STYK1: variants seen among roughly 807,000 people sequenced by gnomAD.
The protein encoded by STYK1 is STY kinase 1.
Under a neutral mutation model 48.1 loss-of-function variants are expected in STYK1, and 46 were observed. The ratio of observed to expected loss-of-function variants is 0.96; its 90% CI spans 0.75 to 1.22. The LOEUF (loss-of-function observed/expected upper bound fraction) is 1.22, where lower values mean the gene tolerates loss of function less well. Ranked by LOEUF, STYK1 falls within the 50% of genes most tolerant of loss-of-function variation. The pLI, the probability that STYK1 is intolerant of heterozygous loss-of-function variation, is 0.00. For missense variants in STYK1, 527 were observed against 521.1 expected, an observed-to-expected ratio of 1.01 and a Z score of -0.11; for synonymous variants, 188 against 189.0, an observed-to-expected ratio of 0.99 and a Z score of 0.04.
intron 7 of STYK1, among the ~76,000 whole-genome samples, chr12:10,625,723 A>T (rs1947352290): frequency 6.6e-6 from 1 of 152,232 alleles, no homozygotes; most frequent in Non-Finnish European, 1.5e-5. Flanking sequence ...CAGGTATTAT[A>T]ATTCATAGGA....
chr12:10,637,308 C>CA (rs1947496628), intron 1 of STYK1, 112 bp from the exon 2 acceptor site: 1 of 151,256 alleles, frequency 6.6e-6, no homozygotes, highest in Non-Finnish European at 1.5e-5. Context: ...TAGGTAGAGG[C>CA]ATATGGAGTG....
chr12:10,635,924 G>A (rs1947481120), intron 2 of STYK1, among the ~76,000 whole-genome samples: 1 of 152,106 alleles, frequency 6.6e-6, no homozygotes, highest in African/African-American at 2.4e-5. Flanking sequence ...AGTCAACAAA[G>A]CCTACTTCTT....
Position 10,639,677 on chromosome 12 carries a change from G to C in STYK1, c.-194-2481C>G, listed in dbSNP as rs111640464. On this transcript the variant is annotated intron_variant, in intron 1 of 10. Coordinates refer to ENST00000075503, the MANE Select transcript of STYK1 (RefSeq NM_018423.3). Reference sequence around the variant, plus strand: ...TATCCACCTGACTTGGCCTCCCAAAGTACTGGGATTACAGGCGTGAGCCAC... The same window carrying C: ...TATCCACCTGACTTGGCCTCCCAAACTACTGGGATTACAGGCGTGAGCCAC... 4.9e-3 allele frequency among the ~76,000 whole-genome samples: 753 copies of C among 152,262 alleles called. 3 individuals carry two copies. The highest frequency in any genetic ancestry group is 0.017 in the African/African-American group (705 of 41,542).
At chr12:10,660,092 G>A (rs1476853116) in intron 1 of STYK1, among the ~76,000 whole-genome samples, 1 of 152,136 alleles carries the variant, frequency 6.6e-6, no homozygotes, top group Non-Finnish European at 1.5e-5. Flanking sequence ...TATCATCTTG[G>A]TTCTAACAGT....
intron 1 of STYK1, among the ~76,000 whole-genome samples, chr12:10,663,800 G>A (rs1429372966): frequency 6.6e-6 from 1 of 151,126 alleles, no homozygotes; most frequent in East Asian, 1.9e-4. Context: ...ATCAATTTGG[G>A]GCGTACCACT....
rs190764023 is a variant in STYK1 at position 10,638,271 on chromosome 12, A to G, written c.-194-1075T>C. On this transcript the variant is annotated intron_variant, in intron 1 of 10. Coordinates refer to ENST00000075503, the MANE Select transcript of STYK1 (RefSeq NM_018423.3). ...CAGGCAGGGTTCTAGTTAGAACCAT[A>G]ATATTGCCTCACTTGTAGTTATCAT... Among the ~76,000 whole-genome samples the G allele has an allele frequency of 5.8e-3, 884 of 152,350 alleles. 7 individuals are homozygous for G. The highest frequency in any genetic ancestry group is 0.027 in the Middle Eastern group (8 of 294).
At chr12:10,663,895 AC>A (rs1478987805) in intron 1 of STYK1, among the ~76,000 whole-genome samples, 1 of 152,186 alleles carries the variant, frequency 6.6e-6, no homozygotes, top group Non-Finnish European at 1.5e-5. Context: ...TTTCAAGGAT[AC>A]TTGGGATGTT....
intron 8 of STYK1, among the ~76,000 whole-genome samples, chr12:10,624,280 C>A (rs1486553780): frequency 6.6e-6 from 1 of 151,142 alleles, no homozygotes; most frequent in African/African-American, 2.4e-5. Context: ...AAAAAATAGC[C>A]AAGCAGGGTG....
intron 1 of STYK1, among the ~76,000 whole-genome samples, chr12:10,641,384 A>G (rs1233975890): frequency 6.6e-6 from 1 of 152,040 alleles, no homozygotes; most frequent in Non-Finnish European, 1.5e-5. Context: ...TCTAAGAAAG[A>G]TTTTGGGTTC....
chr12:10,633,058 A>T (rs373485711), intron 4 of STYK1, among the ~76,000 whole-genome samples: 2 of 152,222 alleles, frequency 1.3e-5, no homozygotes, highest in South Asian at 4.1e-4. Flanking sequence ...TTGGAATAGA[A>T]AATGTATTTG....
chr12:10,620,565 T>C (rs1403995085), intron 10 of STYK1, among the ~76,000 whole-genome samples: 1 of 152,182 alleles, frequency 6.6e-6, no homozygotes, highest in African/African-American at 2.4e-5. Flanking sequence ...TCTTGTATAA[T>C]AGGAATGACT....
chr12:10,646,499 G>A (rs1947600620), intron 1 of STYK1, among the ~76,000 whole-genome samples: 1 of 152,172 alleles, frequency 6.6e-6, no homozygotes, highest in Non-Finnish European at 1.5e-5. Flanking sequence ...AGGTGACTTG[G>A]GTGCTGTTAA....
At chr12:10,637,502 C>T (rs979920905) in intron 1 of STYK1, among the ~76,000 whole-genome samples, 13 of 152,030 alleles carry the variant, frequency 8.6e-5, no homozygotes, top group African/African-American at 2.4e-4. Flanking sequence ...CACGCACGCC[C>T]GGCTAATTTT....
intron 5 of STYK1, 51 bp downstream of exon 5, chr12:10,630,994 T>G: frequency 6.3e-7 from 1 of 1,599,878 alleles, no homozygotes; most frequent in South Asian, 1.1e-5. Flanking sequence ...TCGCAAAGCC[T>G]GTTAATATTT....
chr12:10,631,742 G>A (rs924083034), intron 4 of STYK1, among the ~76,000 whole-genome samples: 3 of 152,136 alleles, frequency 2.0e-5, no homozygotes, highest in African/African-American at 7.2e-5. Flanking sequence ...TAATTAATCA[G>A]CTTTAAGCTA....
At chr12:10,654,937 T>C (rs1190281573) in intron 1 of STYK1, among the ~76,000 whole-genome samples, 1 of 151,902 alleles carries the variant, frequency 6.6e-6, no homozygotes, top group Non-Finnish European at 1.5e-5. Flanking sequence ...ACTGGACTGC[T>C]AGAAAAGATC....
chr12:10,670,489 A>G (rs1947880070), intron 1 of STYK1, among the ~76,000 whole-genome samples: 1 of 152,194 alleles, frequency 6.6e-6, no homozygotes, highest in African/African-American at 2.4e-5. Context: ...GAAAAATATC[A>G]TAGGAACTCA....
intron 4 of STYK1, among the ~76,000 whole-genome samples, chr12:10,632,074 G>A (rs7966052): frequency 6.6e-6 from 1 of 152,036 alleles, no homozygotes; most frequent in African/African-American, 2.4e-5. Context: ...AGAAAAAGCT[G>A]AGTGTGATGC....
chr12:10,624,746 G>A lies in STYK1; in HGVS notation c.831C>T (p.Tyr277=), dbSNP rs2120603697. The stretch of plus-strand genomic sequence containing the variant: ...GAGTAGAGGAGATGGCCCCTCGGGT[G>A]TAAACTTCATAAGCCAGGCCTAATC... ...LCGLGLAYEV[Y]TRGAISSTQT... is the part of the protein sequence containing the mutation. The change falls in exon 8 of 11, where the codon TAC becomes TAT. Residue 277 remains tyrosine, a synonymous_variant. Coordinates refer to ENST00000075503, the MANE Select transcript of STYK1 (RefSeq NM_018423.3). 2.5e-6 allele frequency: 4 copies of A among 1,614,130 alleles called. No individual in the cohort carries two copies. Among genetic ancestry groups the A allele is most frequent in the Non-Finnish European group, 2.5e-6 (3 of 1,180,012 alleles).
Sources: allele counts gnomAD v4.1 joint callset (sites outside exome capture counted in the v4.1 genomes callset), GRCh38; gene constraint gnomAD v4.1.1; transcripts MANE v1.5; gene names NCBI Gene and HGNC (gene_info 2026-07-23, HGNC 2026-07-21).